The following GRM3 variants were observed in gnomAD, a reference collection of about 807,000 sequenced individuals.
GRM3 encodes glutamate metabotropic receptor 3.
A neutral mutation model predicts 70.5 loss-of-function variants in GRM3; 26 were observed. The ratio of observed to expected loss-of-function variants is 0.37; its 90% CI spans 0.27 to 0.51. The LOEUF (loss-of-function observed/expected upper bound fraction) is 0.51. Among genes scored for constraint, GRM3 ranks in the 20% least tolerant of loss-of-function variants. The pLI, the probability that GRM3 is intolerant of heterozygous loss-of-function variation, is 0.93. For missense variants in GRM3, 859 were observed against 1,123.8 expected (o/e 0.76, Z 3.37); for synonymous variants, 443 against 434.9 (o/e 1.02, Z -0.23).
At chr7:86,809,877 A>C (rs150556641) in intron 3 of GRM3, among the ~76,000 whole-genome samples, 1,641 of 152,146 alleles carry the variant, frequency 0.011, 20 homozygotes, top group Non-Finnish European at 0.013. Flanking sequence ...CACATACAGC[A>C]TCTCATTTAA....
At chr7:86,761,584 A>C (rs1282807617) in intron 1 of GRM3, among the ~76,000 whole-genome samples, 4 of 152,150 alleles carry the variant, frequency 2.6e-5, no homozygotes, top group Non-Finnish European at 4.4e-5. Context: ...GTGCAAACAT[A>C]GATATCATGG....
intron 1 of GRM3, among the ~76,000 whole-genome samples, chr7:86,721,667 G>T (rs1259126636): frequency 6.6e-6 from 1 of 151,910 alleles, no homozygotes; most frequent in African/African-American, 2.4e-5. Context: ...GAGCCAAAGG[G>T]GTTAAATGTT....
intron 2 of GRM3, among the ~76,000 whole-genome samples, chr7:86,766,077 G>A (rs1164168168): frequency 2.6e-5 from 4 of 152,024 alleles, no homozygotes; most frequent in Admixed American, 6.6e-5. Flanking sequence ...TGCTTGCTTC[G>A]CACCTGCTGA....
intron 3 of GRM3, among the ~76,000 whole-genome samples, chr7:86,800,479 T>C (rs183833432): frequency 2.6e-5 from 4 of 152,116 alleles, no homozygotes; most frequent in Non-Finnish European, 4.4e-5. Context: ...CCCACAGAAA[T>C]ACAAGCAACC....
chr7:86,855,490 C>T (rs547891082), intron 5 of GRM3, among the ~76,000 whole-genome samples: 2 of 152,146 alleles, frequency 1.3e-5, no homozygotes, highest in South Asian at 2.1e-4. Context: ...CAAGAAACTT[C>T]GACTACCCAA....
intron 3 of GRM3, among the ~76,000 whole-genome samples, chr7:86,823,582 A>ATTTTTTTTTT (rs35792615): frequency 2.3e-5 from 1 of 43,124 alleles, no homozygotes; most frequent in Non-Finnish European, 3.9e-5. Context: ...TGTGTGAGGT[A>ATTTTTTTTTT]TTTTTTTTTT....
intron 2 of GRM3, among the ~76,000 whole-genome samples, chr7:86,767,640 C>G (rs550453116): frequency 6.7e-6 from 1 of 149,332 alleles, no homozygotes; most frequent in Non-Finnish European, 1.5e-5. Flanking sequence ...GAATGCCAGT[C>G]ATTTCACGAA....
chr7:86,647,743 G>A (rs1013598007), intron 1 of GRM3, among the ~76,000 whole-genome samples: 6 of 152,146 alleles, frequency 3.9e-5, no homozygotes, highest in African/African-American at 1.4e-4. Flanking sequence ...CACATAAAAT[G>A]AGTATCATCA....
Position 86,786,532 on chromosome 7 carries a change from T to C in GRM3, c.740T>C (p.Val247Ala), listed in dbSNP as rs777673660. ...RNICIATAEK[V>A]GRSNIRKSYD... ...ATCTGCATCGCTACGGCGGAGAAGG[T>C]GGGCCGCTCCAACATCCGCAAGTCC... Residue 247 changes from valine to alanine, a missense_variant, in exon 3 of 6, where the codon GTG becomes GCG. By Grantham distance (64) the Val-to-Ala change is moderately conservative. Transcript: ENST00000361669. This position sits in a 1 kb window ranked among gnomAD's most constrained non-coding sequence, Gnocchi z 6.0. The C allele has an allele frequency of 6.8e-6, 11 of 1,613,854 alleles. No homozygotes were observed. Among genetic ancestry groups the C allele is most frequent in the Non-Finnish European group, 9.3e-6 (11 of 1,180,026 alleles).
chr7:86,817,901 T>C (rs923164612), intron 3 of GRM3, among the ~76,000 whole-genome samples: 1 of 151,952 alleles, frequency 6.6e-6, no homozygotes, highest in African/African-American at 2.4e-5. Flanking sequence ...TGAGGTGCAA[T>C]CTAGAGGCAG....
intron 1 of GRM3, among the ~76,000 whole-genome samples, chr7:86,707,625 A>G (rs1795090112): frequency 6.6e-6 from 1 of 152,118 alleles, no homozygotes; most frequent in Non-Finnish European, 1.5e-5. Flanking sequence ...AAAGTGGATA[A>G]AGTGGCTTGT....
At chr7:86,767,425 A>G (rs561054934) in intron 2 of GRM3, among the ~76,000 whole-genome samples, 1 of 150,594 alleles carries the variant, frequency 6.6e-6, no homozygotes, top group East Asian at 2.0e-4. Flanking sequence ...ATGAAAGCAC[A>G]TCATGTTAAT....
intron 3 of GRM3, among the ~76,000 whole-genome samples, chr7:86,823,903 T>G (rs1330660744): frequency 6.6e-6 from 1 of 152,158 alleles, no homozygotes; most frequent in Non-Finnish European, 1.5e-5. Context: ...TCAAGCCTAC[T>G]TACCCAGGTG....
intron 1 of GRM3, among the ~76,000 whole-genome samples, chr7:86,719,342 A>C (rs1187695898): frequency 6.6e-6 from 1 of 151,990 alleles, no homozygotes; most frequent in African/African-American, 2.4e-5. Flanking sequence ...GTTTCTTCAT[A>C]CATCTATTTA....
chr7:86,713,782 A>T lies in GRM3; in HGVS notation c.-140-51224A>T, dbSNP rs1437672684. ...TTCTATGTACATAGAAAATGTCCAG[A>T]TATTGAATTATTGAATTATTAAATT... On this transcript the variant is annotated intron_variant, in intron 1 of 5. Coordinates refer to ENST00000361669, the MANE Select transcript of GRM3 (RefSeq NM_000840.3). Among the ~76,000 whole-genome samples, 56 of 152,036 alleles carry T rather than the reference A, an allele frequency of 3.7e-4. 1 individual carries two copies. Among genetic ancestry groups the T allele is most frequent in the Admixed American group, 3.5e-3 (54 of 15,236 alleles).
chr7:86,781,014 G>A (rs1274364835), intron 2 of GRM3, among the ~76,000 whole-genome samples: 2 of 152,172 alleles, frequency 1.3e-5, no homozygotes, highest in East Asian at 3.8e-4. Context: ...AGTGAGTACA[G>A]TGAGTGGTCC....
At chr7:86,856,509 T>G (rs897436400) in intron 5 of GRM3, among the ~76,000 whole-genome samples, 1 of 151,922 alleles carries the variant, frequency 6.6e-6, no homozygotes, top group Non-Finnish European at 1.5e-5. Flanking sequence ...CTGGGCTTAT[T>G]TCATCACTTG....
chr7:86,749,342 T>C (rs556951000), intron 1 of GRM3, among the ~76,000 whole-genome samples: 3 of 151,460 alleles, frequency 2.0e-5, no homozygotes, highest in Non-Finnish European at 4.4e-5. Context: ...GAAGGATGCT[T>C]GGGTAGTTCA....
rs1167480153 is a variant in GRM3, at chr7:86,786,704, C to A, written c.912C>A (p.Gly304=). The change falls in exon 3 of 6, where the codon GGC becomes GGA. Residue 304 remains glycine, a synonymous_variant. Coordinates refer to ENST00000361669, the MANE Select transcript of GRM3 (RefSeq NM_000840.3). The surrounding 1 kb of genome is among the most constrained non-coding windows in gnomAD (Gnocchi z 6.0). ...SFTWVASDGW[G]AQESIIKGSE... Reference sequence around the variant, plus strand: ...CCTGGGTGGCCAGCGACGGCTGGGGCGCGCAGGAGAGCATCATCAAGGGCA... The same window carrying A: ...CCTGGGTGGCCAGCGACGGCTGGGGAGCGCAGGAGAGCATCATCAAGGGCA... 1.2e-6 allele frequency: 2 copies of A among 1,612,488 alleles called. No individual in the cohort carries two copies. Among genetic ancestry groups the A allele is most frequent in the Non-Finnish European group, 8.5e-7 (1 of 1,179,990 alleles).
Sources: gnomAD v4.1 joint callset for allele counts (sites outside exome capture counted in the v4.1 genomes callset) on GRCh38, gnomAD v4.1.1 for gene constraint, Gnocchi (gnomAD v3.1) non-coding constraint, MANE v1.5 for transcripts, NCBI Gene and HGNC (gene_info 2026-07-23, HGNC 2026-07-21) for gene names.